The following DMD variants were observed in gnomAD, a reference collection of about 807,000 sequenced individuals.
DMD encodes mutant dystrophin.
A neutral mutation model predicts 330.1 loss-of-function variants in DMD; 63 were observed. That is an observed-to-expected ratio of 0.19 (90% CI 0.16 to 0.24). The LOEUF is 0.24. DMD is among the 10% of genes least tolerant of loss of function. The pLI is 1.00. For missense variants in DMD, 3,344 were observed against 2,684.1 expected (o/e 1.25, Z -5.43); for synonymous variants, 1,223 against 959.8 (o/e 1.27, Z -5.07).
At chrX:32,783,268 A>G (rs868743460) in intron 7 of DMD, among the ~76,000 whole-genome samples, 7 of 100,065 alleles carry the variant, frequency 7.0e-5, no homozygotes, top group Non-Finnish European at 1.2e-4. Flanking sequence ...ATACACATAT[A>G]TGGTATATAT....
chrX:32,563,607 G>A lies in DMD; in HGVS notation c.1992+2095C>T, dbSNP rs771371260. ...AATTATACAAGTTGGAAGACATCAC[G>A]TCAATTGCCTAGGTGGTGGTCTCAT... On this transcript the variant is annotated intron_variant, in intron 16 of 78. Coordinates refer to ENST00000357033, the MANE Select transcript of DMD (RefSeq NM_004006.3). Among the ~76,000 whole-genome samples, 15 of 111,460 alleles carry A rather than the reference G, an allele frequency of 1.3e-4. 1 individual carries two copies. The highest frequency in any genetic ancestry group is 1.1e-3 in the Admixed American group (11 of 10,462).
At chrX:32,076,224 T>C (rs1271380195) in intron 44 of DMD, among the ~76,000 whole-genome samples, 1 of 108,497 alleles carries the variant, frequency 9.2e-6, no homozygotes, top group African/African-American at 3.3e-5. Flanking sequence ...GACAGACAGG[T>C]GTACAAGCAG....
intron 12 of DMD, among the ~76,000 whole-genome samples, chrX:32,605,806 C>T (rs6628727): frequency 1.8e-5 from 2 of 110,470 alleles, no homozygotes; most frequent in East Asian, 5.7e-4. Flanking sequence ...CTCAACATCA[C>T]TAATCATCAG....
chrX:33,002,186 A>T (rs2093295901), intron 2 of DMD, among the ~76,000 whole-genome samples: 1 of 111,306 alleles, frequency 9.0e-6, no homozygotes, highest in Admixed American at 9.6e-5. Context: ...GTAAAAGTGT[A>T]GGTGAATTAT....
chrX:31,451,280 CTTTTT>C (rs58331900), intron 59 of DMD, among the ~76,000 whole-genome samples: 1 of 53,121 alleles, frequency 1.9e-5, no homozygotes, highest in Admixed American at 2.8e-4. Flanking sequence ...CCTTTCTTTC[CTTTTT>C]TTTTTTTTTT....
rs762530102 is a variant in DMD at position 32,622,973 on chromosome X, T to A, written c.1332-8520A>T. On this transcript the variant is annotated intron_variant, in intron 11 of 78. Transcript: ENST00000357033. ...TATTTGAAAACCACTGCTAGTCTAC[T>A]TAAGGTATGTGTTCGATCTATTAGT... Among the ~76,000 whole-genome samples the A allele has an allele frequency of 7.2e-5, 8 of 111,722 alleles. No individual in the cohort carries two copies. The South Asian group carries it at 3.0e-3, about 42-fold the overall frequency.
chrX:31,921,518 C>A (rs1265062360), intron 47 of DMD, among the ~76,000 whole-genome samples: 5 of 111,893 alleles, frequency 4.5e-5, no homozygotes, highest in Non-Finnish European at 9.4e-5. Context: ...TCCCCAAGAG[C>A]CATATTTACA....
At chrX:32,958,735 T>G (rs1268254627) in intron 2 of DMD, among the ~76,000 whole-genome samples, 1 of 111,284 alleles carries the variant, frequency 9.0e-6, no homozygotes, top group Non-Finnish European at 1.9e-5. Context: ...CCCAGAAGTG[T>G]TTTTCCTCCC....
chrX:31,810,875 G>T (rs773818096), intron 50 of DMD, among the ~76,000 whole-genome samples: 1 of 111,620 alleles, frequency 9.0e-6, no homozygotes, highest in East Asian at 2.8e-4. Context: ...CAAGATTATG[G>T]TATACTCTGT....
At chrX:33,112,277 A>G (rs2095345409) in intron 1 of DMD, among the ~76,000 whole-genome samples, 1 of 111,426 alleles carries the variant, frequency 9.0e-6, no homozygotes, top group South Asian at 3.7e-4. Flanking sequence ...ATGTGTATGT[A>G]TATAAGAAAC....
At chrX:33,067,702 G>A (rs951746896) in intron 1 of DMD, among the ~76,000 whole-genome samples, 7 of 110,597 alleles carry the variant, frequency 6.3e-5, no homozygotes, top group South Asian at 3.9e-4. Flanking sequence ...AAAATTATCC[G>A]GGTGTGGTGA....
chrX:31,840,260 G>A (rs995868010), intron 48 of DMD, among the ~76,000 whole-genome samples: 15 of 111,282 alleles, frequency 1.3e-4, no homozygotes, highest in African/African-American at 2.6e-4. Flanking sequence ...ATTGGAGTGC[G>A]TATTCAAAAG....
intron 44 of DMD, among the ~76,000 whole-genome samples, chrX:32,064,690 C>T (rs1382827296): frequency 1.8e-5 from 2 of 110,531 alleles, no homozygotes; most frequent in South Asian, 3.8e-4. Flanking sequence ...CATGCATGCC[C>T]ATGTGTGTGG....
chrX:32,764,572 C>G (rs1226694126), intron 7 of DMD, among the ~76,000 whole-genome samples: 2 of 111,209 alleles, frequency 1.8e-5, no homozygotes, highest in Non-Finnish European at 3.8e-5. Context: ...TGGCTTTTTC[C>G]CCTTAGCATA....
chrX:33,277,415 A>G (rs1259513706), intron 1 of DMD, among the ~76,000 whole-genome samples: 6 of 111,298 alleles, frequency 5.4e-5, no homozygotes, highest in Non-Finnish European at 1.1e-4. Context: ...GGTTACTTTT[A>G]TGTTATGTGA....
intron 43 of DMD, among the ~76,000 whole-genome samples, chrX:32,218,000 C>T (rs1319528850): frequency 1.8e-5 from 2 of 111,462 alleles, no homozygotes; most frequent in Non-Finnish European, 3.8e-5. Flanking sequence ...TGGAATACTG[C>T]AGGAACTTAG....
In DMD at chrX:32,883,224, A is replaced by G. The variant is rs372209029; in HGVS notation, c.94-33404T>C. Among the ~76,000 whole-genome samples, 6 of 112,098 alleles carry G rather than the reference A, an allele frequency of 5.4e-5. No homozygotes were observed. In the East Asian group the frequency reaches 1.4e-3, roughly 26 times the overall value. ...ATTCTGCTTAGAAAGTTGCTCTTAC[A>G]TTTCATATACATGGTTGAAGTTTGA... On this transcript the variant is annotated intron_variant, in intron 2 of 78. Transcript: ENST00000357033.
At chrX:31,458,014 T>G (rs1363514742) in intron 59 of DMD, among the ~76,000 whole-genome samples, 1 of 111,829 alleles carries the variant, frequency 8.9e-6, no homozygotes, top group Non-Finnish European at 1.9e-5. Context: ...CTTTCTAAAA[T>G]GGTCTTATTT....
At chrX:33,052,944 C>T (rs1170798958) in intron 1 of DMD, among the ~76,000 whole-genome samples, 1 of 111,739 alleles carries the variant, frequency 8.9e-6, no homozygotes, top group African/African-American at 3.2e-5. Context: ...TATGCACCTA[C>T]TATGTACCCA....
Sources: gnomAD v4.1 joint callset for allele counts (sites outside exome capture counted in the v4.1 genomes callset) on GRCh38, gnomAD v4.1.1 for gene constraint, MANE v1.5 for transcripts, NCBI Gene and HGNC (gene_info 2026-07-23, HGNC 2026-07-21) for gene names.